RBM12B: variants seen among roughly 807,000 people sequenced by gnomAD.
The protein encoded by RBM12B is RNA binding motif protein 12B.
In RBM12B, 10 loss-of-function variants were observed where a neutral mutation model predicts 34.3. That is an observed-to-expected ratio of 0.29 (90% CI 0.18 to 0.49). The LOEUF is 0.49. Among genes scored for constraint, RBM12B ranks in the 20% least tolerant of loss-of-function variants. The pLI is 0.99. For missense variants in RBM12B, 1,139 were observed against 1,262.7 expected (o/e 0.90, Z 1.48); for synonymous variants, 477 against 437.1 (o/e 1.09, Z -1.14).
In RBM12B at chr8:93,730,129, A is replaced by T. The variant is rs1274516409; in HGVS notation, c.*3276T>A. 6.6e-6 allele frequency: 1 copy of T among 152,238 alleles called. No homozygotes were observed. Among genetic ancestry groups the T allele is most frequent in the Non-Finnish European group, 1.5e-5 (1 of 68,040 alleles). The allele number at this position is 152,238 out of a possible 1,614,324, so 9.4% of individuals were successfully genotyped here. A position where few individuals can be genotyped will look rare whatever the true frequency, so the allele number is the denominator to read the frequency against. ...ACCAGATTAGGAATACTCAACCTGT[A>T]GTACATTTACTAGGATTATCAGAAT... On this transcript the variant is annotated 3_prime_UTR_variant, in exon 4 of 4. Coordinates refer to ENST00000520560, the MANE Select transcript of RBM12B (RefSeq NM_001377960.1).
rs1287026855 is a variant in RBM12B, at chr8:93,733,502, A to G, written c.2909T>C (p.Ile970Thr). 2.2e-5 allele frequency: 36 copies of G among 1,609,798 alleles called. No homozygotes were observed. The highest frequency in any genetic ancestry group is 3.3e-5 in the South Asian group (3 of 90,888). ...NEQGLPTGEAIVAMINYNEAM... is the reference protein window; with the variant it reads ...NEQGLPTGEATVAMINYNEAM... ...TTCATTATAGTTTATCATAGCAACA[A>G]TGGCTTCCCCTGTAGGTAAGCCTTG... is the stretch of plus-strand genomic sequence containing the variant. The change falls in exon 4 of 4, where the codon ATT becomes ACT. Residue 970 changes from isoleucine to threonine, a missense_variant. Physicochemically the swap from Ile to Thr is moderately conservative, Grantham distance 89. Around this residue, in one of 3 missense-constraint regions of RBM12B, gnomAD observed 60 missense variants for 101.0 expected, o/e 0.59. Coordinates refer to ENST00000520560, the MANE Select transcript of RBM12B (RefSeq NM_001377960.1).
In RBM12B at chr8:93,734,409, T is replaced by C. The variant is rs765553433; in HGVS notation, c.2002A>G (p.Arg668Gly). The change falls in exon 4 of 4, where the codon AGG becomes GGG. Residue 668 changes from arginine (R) to glycine (G), a missense_variant. Arg to Gly is a moderately radical substitution (Grantham distance 125). Coordinates refer to ENST00000520560, the MANE Select transcript of RBM12B (RefSeq NM_001377960.1). ...DLRWLPEEDF[R>G]RPPEEDWRRP... ...CTCCAGTCCTCCTCAGGTGGCCGCC[T>C]GAAATCTTCCTCTGGGAGCCACCTT... 8 of 1,612,278 alleles carry C rather than the reference T, an allele frequency of 5.0e-6. No homozygotes were observed. The African/African-American group carries it at 6.7e-5, about 14-fold the overall frequency.
Position 93,736,215 on chromosome 8 carries a change from C to G in RBM12B, c.196G>C (p.Asp66His). The G allele has an allele frequency of 2.5e-6, 4 of 1,614,170 alleles. No individual in the cohort carries two copies. The highest frequency in any genetic ancestry group is 3.4e-6 in the Non-Finnish European group (4 of 1,180,020). ...AISRSGGFIKDSSVELFLSSK... is the reference protein window; with the variant it reads ...AISRSGGFIKHSSVELFLSSK... ...CTAAGAAAGAGCTCTACAGATGAAT[C>G]CTTGATAAACCCTCCTGAACGACTT... Residue 66 changes from aspartate (D) to histidine (H), a missense_variant, in exon 4 of 4, where the codon GAT becomes CAT. Asp to His is a moderately conservative substitution (Grantham distance 81). Around this residue, in one of 3 missense-constraint regions of RBM12B, gnomAD observed 216 missense variants for 292.2 expected, o/e 0.74. Coordinates refer to ENST00000520560, the MANE Select transcript of RBM12B (RefSeq NM_001377960.1).
At position 93,730,374 on chromosome 8, in the gene RBM12B, T is replaced by G. The variant is rs970727312; in HGVS notation, c.*3031A>C. ...CCTATCTCTTGGTTGTGGGATTGAC[T>G]TTCTAGACATGATCTACATTTTTTT... is the stretch of plus-strand genomic sequence containing the variant. On this transcript the variant is annotated 3_prime_UTR_variant, in exon 4 of 4. Coordinates refer to ENST00000520560, the MANE Select transcript of RBM12B (RefSeq NM_001377960.1). The G allele has an allele frequency of 6.6e-6, 1 of 152,212 alleles. No individual in the cohort carries two copies. Among genetic ancestry groups the G allele is most frequent in the Non-Finnish European group, 1.5e-5 (1 of 68,036 alleles). 9.4% of individuals were successfully genotyped at this position (152,212 alleles called of 1,614,324 possible). A position where few individuals can be genotyped will look rare whatever the true frequency, so the allele number is the denominator to read the frequency against.
rs1312067420 is a variant in RBM12B at position 93,728,347 on chromosome 8, A to C, written c.*5058T>G. Reference sequence around the variant, plus strand: ...AAATGACTTGAAATCCACAATGACTAAATTGTAGAACTTTATACTCACTTT... The same window carrying C: ...AAATGACTTGAAATCCACAATGACTCAATTGTAGAACTTTATACTCACTTT... On this transcript the variant is annotated 3_prime_UTR_variant, in exon 4 of 4. Transcript: ENST00000520560. 1.5e-5 allele frequency: 18 copies of C among 1,205,814 alleles called. No individual in the cohort carries two copies. Among genetic ancestry groups the C allele is most frequent in the Non-Finnish European group, 2.0e-5 (17 of 839,200 alleles). The allele number at this position is 1,205,814 out of a possible 1,614,324, so 74.7% of individuals were successfully genotyped here.
At position 93,733,582 on chromosome 8, in the gene RBM12B, G is replaced by A. The variant is rs1008356524; in HGVS notation, c.2829C>T (p.Asp943=). 4.3e-6 allele frequency: 7 copies of A among 1,613,520 alleles called. No individual in the cohort carries two copies. In the Admixed American group the frequency reaches 5.0e-5, roughly 12 times the overall value. ...GTATGATTCTGTAACCATGGAAAAA[G>A]TCTAAAATTTCATTCACATTAGCTT... ...PFKANVNEIL[D]FFHGYRIIPD... The change falls in exon 4 of 4, where the codon GAC becomes GAT. Residue 943 remains aspartate (D), a synonymous_variant. Transcript: ENST00000520560.
chr8:93,737,246 T>A (rs1586314427), intron 3 of RBM12B, 61 bp downstream of exon 3: 2 of 152,342 alleles, frequency 1.3e-5, no homozygotes, highest in South Asian at 4.1e-4. Flanking sequence ...TACCTAGATG[T>A]ACTATTCTAC....
rs1563660692 is a variant in RBM12B at position 93,734,509 on chromosome 8, ATCC to A, written c.1899_1901del (p.Glu633del). On this transcript the variant is annotated inframe_deletion, in exon 4 of 4. Transcript: ENST00000520560. ...AGTCCTCCGTGGGAGACCGCCTGAA[ATCC>A]TCCTCCAGTGGCCGCCTCCAGTCCT... 3 of 1,607,670 alleles carry A rather than the reference ATCC, an allele frequency of 1.9e-6. No homozygotes were observed. The highest frequency in any genetic ancestry group is 1.1e-5 in the South Asian group (1 of 90,778).
Position 93,734,645 on chromosome 8 carries a change from C to G in RBM12B, c.1766G>C (p.Arg589Pro), listed in dbSNP as rs750010787. 6.2e-7 allele frequency: 1 copy of G among 1,613,668 alleles called. No individual in the cohort carries two copies. The highest frequency in any genetic ancestry group is 8.5e-7 in the Non-Finnish European group (1 of 1,179,780). The change falls in exon 4 of 4, where the codon CGG becomes CCG. Residue 589 changes from arginine to proline, a missense_variant. Physicochemically the swap from Arg to Pro is moderately radical, Grantham distance 103 (BLOSUM62 -2). This residue lies in a region of RBM12B where 863 missense variants were observed against 869.5 expected (regional missense o/e 0.99). Transcript: ENST00000520560. ...FRRPREEDFR[R>P]PSEEDFRRPW... ...GCGCCTGAAGTCCTCCTCAGAAGGC[C>G]GCCTGAAGTCTTCCTCCCTAGGTCG... is the stretch of plus-strand genomic sequence containing the variant.
chr8:93,736,512 T>G, intron 3 of RBM12B, 74 bp from the exon 4 acceptor site: 1 of 1,145,428 alleles, frequency 8.7e-7, no homozygotes, highest in Non-Finnish European at 1.2e-6. Context: ...GCTTAATAAT[T>G]ACCTGGTTCC....
chr8:93,731,596 A>G lies in RBM12B; in HGVS notation c.*1809T>C, dbSNP rs1007136359. ...AGCAGATTTCTGTTAGATTTCTTTA[A>G]ATCACTGAAAAGTAACACAAAAATA... On this transcript the variant is annotated 3_prime_UTR_variant, in exon 4 of 4. Coordinates refer to ENST00000520560, the MANE Select transcript of RBM12B (RefSeq NM_001377960.1). 7 of 152,224 alleles carry G rather than the reference A, an allele frequency of 4.6e-5. No individual in the cohort carries two copies. Among genetic ancestry groups the G allele is most frequent in the African/African-American group, 1.7e-4 (7 of 41,466 alleles). 9.4% of individuals were successfully genotyped at this position (152,224 alleles called of 1,614,324 possible).
At chr8:93,740,530 T>C in intron 2 of RBM12B, 99 bp downstream of exon 2, 1 of 456,886 alleles carries the variant, frequency 2.2e-6, no homozygotes, top group Admixed American at 2.3e-5. Flanking sequence ...CCCCCAGATC[T>C]AACTGAAAAC....
chr8:93,738,204 A>G (rs939320465), intron 2 of RBM12B, among the ~76,000 whole-genome samples: 3 of 152,204 alleles, frequency 2.0e-5, no homozygotes, highest in African/African-American at 7.2e-5. Context: ...ATCTCAAGCC[A>G]AACAGAAAAT....
intron 3 of RBM12B, among the ~76,000 whole-genome samples, chr8:93,736,783 C>T (rs928721187): frequency 5.3e-5 from 8 of 152,318 alleles, no homozygotes; most frequent in African/African-American, 1.9e-4. Flanking sequence ...TTATCTTCTA[C>T]TGAAACATGA....
At chr8:93,740,790 C>G in intron 1 of RBM12B, 91 bp downstream of exon 1, 1 of 337,070 alleles carries the variant, frequency 3.0e-6, no homozygotes, top group South Asian at 2.3e-5. Context: ...GCCGGTCCCG[C>G]CTTTCCCCGT....
rs1354726237 is a variant in RBM12B, at chr8:93,734,000, C to T, written c.2411G>A (p.Arg804Lys). 6.2e-7 allele frequency: 1 copy of T among 1,612,106 alleles called. No homozygotes were observed. The highest frequency in any genetic ancestry group is 1.1e-5 in the South Asian group (1 of 91,032). Residue 804 changes from arginine (R) to lysine (K), a missense_variant, in exon 4 of 4, where the codon AGG (arginine) becomes AAG (lysine). Coordinates refer to ENST00000520560, the MANE Select transcript of RBM12B (RefSeq NM_001377960.1). ...CCTGAAGTCTTCATCTGGTGGGTGC[C>T]TGAAATCTTCCTCTCGGGAGCGCCT... ...HFRRSREEDFRHPPDEDFRGP... is the reference protein window; with the variant it reads ...HFRRSREEDFKHPPDEDFRGP...
At position 93,729,452 on chromosome 8, in the gene RBM12B, G is replaced by A. The variant is rs1811700797; in HGVS notation, c.*3953C>T. ...ATTTAAATTTGGTTGTACTTCGGGG[G>A]AAAACAACAGAGTTATTATTTTGCT... On this transcript the variant is annotated 3_prime_UTR_variant, in exon 4 of 4. Transcript: ENST00000520560. 1 of 152,094 alleles carries A rather than the reference G, an allele frequency of 6.6e-6. No individual in the cohort carries two copies. Among genetic ancestry groups the A allele is most frequent in the South Asian group, 2.1e-4 (1 of 4,828 alleles). 9.4% of individuals were successfully genotyped at this position (152,094 alleles called of 1,614,324 possible). A position where few individuals can be genotyped will look rare whatever the true frequency, so the allele number is the denominator to read the frequency against.
intron 2 of RBM12B, chr8:93,740,331 A>G: frequency 2.2e-6 from 1 of 457,340 alleles, no homozygotes; most frequent in Non-Finnish European, 4.4e-6. Flanking sequence ...GCCTTTGTCC[A>G]CAACTCCCAG....
Position 93,729,748 on chromosome 8 carries a change from T to G in RBM12B, c.*3657A>C, listed in dbSNP as rs527877764. The G allele has an allele frequency of 6.6e-6, 1 of 152,288 alleles. No individual in the cohort carries two copies. Among genetic ancestry groups the G allele is most frequent in the East Asian group, 1.9e-4 (1 of 5,188 alleles). The allele number at this position is 152,288 out of a possible 1,614,324, so 9.4% of individuals were successfully genotyped here. ...GGCAAATTCAAGACTATTATACAGG[T>G]AACTATGTAACCATGTAAGACTTAA... On this transcript the variant is annotated 3_prime_UTR_variant, in exon 4 of 4. Transcript: ENST00000520560.
Sources: gnomAD v4.1 joint callset for allele counts (sites outside exome capture counted in the v4.1 genomes callset) on GRCh38, gnomAD v4.1.1 for gene constraint, gnomAD v4.1.1 regional missense constraint, MANE v1.5 for transcripts, NCBI Gene and HGNC (gene_info 2026-07-23, HGNC 2026-07-21) for gene names.